OTOF: variants seen among roughly 807,000 people sequenced by gnomAD.
The protein encoded by OTOF is fer-1-like family member 2.
A neutral mutation model predicts 236.8 loss-of-function variants in OTOF; 218 were observed. That is an observed-to-expected ratio of 0.92 (90% CI 0.82 to 1.03). OTOF has a LOEUF of 1.03. OTOF is among the 50% of genes least tolerant of loss of function. The probability of loss-of-function intolerance (pLI) is 0.00; values close to 1 mark genes in which losing one functional copy is unlikely to be tolerated. For synonymous variants in OTOF, 1,041 were observed against 1,072.5 expected, an observed-to-expected ratio of 0.97 and a Z score of 0.57; for missense variants, 2,590 against 2,694.4, an observed-to-expected ratio of 0.96 and a Z score of 0.86.
intron 1 of OTOF, among the ~76,000 whole-genome samples, chr2:26,550,897 C>T (rs1667444545): frequency 6.6e-6 from 1 of 152,176 alleles, no homozygotes; most frequent in South Asian, 2.1e-4. Flanking sequence ...CGTGCCCTGC[C>T]TTCCGGTCTC....
rs372484533 is a variant in OTOF, at chr2:26,472,663, T to C, written c.3734-14A>G. On this transcript the variant is annotated splice_polypyrimidine_tract_variant and intron_variant, in intron 29 of 46. Coordinates refer to ENST00000272371, the MANE Select transcript of OTOF (RefSeq NM_194248.3). ...GGAGAAGCCTGACTGGACAGATGGA[T>C]AGATGGACAGACAGGCAGAGGAAGG... 1 of 1,612,210 alleles carries C rather than the reference T, an allele frequency of 6.2e-7. No individual in the cohort carries two copies. Among genetic ancestry groups the C allele is most frequent in the Non-Finnish European group, 8.5e-7 (1 of 1,179,608 alleles).
In OTOF at chr2:26,460,606, A is replaced by G; in HGVS notation, c.5813+41T>C. The G allele has an allele frequency of 6.0e-6, 9 of 1,506,932 alleles. No individual in the cohort carries two copies. Among genetic ancestry groups the G allele is most frequent in the Non-Finnish European group, 7.4e-6 (8 of 1,083,672 alleles). 93.3% of individuals were successfully genotyped at this position (1,506,932 alleles called of 1,614,324 possible). A position where few individuals can be genotyped will look rare whatever the true frequency, so the allele number is the denominator to read the frequency against. On this transcript the variant is annotated intron_variant, in intron 45 of 46. Coordinates refer to ENST00000272371, the MANE Select transcript of OTOF (RefSeq NM_194248.3). This position sits in a 1 kb window ranked among gnomAD's most constrained non-coding sequence, Gnocchi z 5.3. ...TCTCCTTCCTGTTCCAGCGCCTCCA[A>G]GAGCCAGAGTGGGGAGGGGCTGGGC...
At chr2:26,517,732 C>CTTCA (rs1216098644) in intron 4 of OTOF, among the ~76,000 whole-genome samples, 12 of 152,192 alleles carry the variant, frequency 7.9e-5, no homozygotes, top group African/African-American at 2.9e-4. Context: ...CCATCCAGGA[C>CTTCA]TTCATTGTTC....
At chr2:26,519,260 G>A in intron 3 of OTOF, 151 bp from the exon 4 acceptor site, 1 of 655,814 alleles carries the variant, frequency 1.5e-6, no homozygotes, top group Non-Finnish European at 2.8e-6. Flanking sequence ...CCAGGAGCCA[G>A]GACTGGTTGC....
intron 2 of OTOF, 75 bp from the exon 3 acceptor site, chr2:26,527,995 T>C: frequency 1.9e-6 from 2 of 1,027,260 alleles, no homozygotes; most frequent in South Asian, 2.6e-5. Context: ...GGGGAATCTC[T>C]TGTGGGGATC....
At chr2:26,520,911 C>T (rs536823752) in intron 3 of OTOF, among the ~76,000 whole-genome samples, 7 of 152,338 alleles carry the variant, frequency 4.6e-5, no homozygotes, top group Admixed American at 2.0e-4. Flanking sequence ...AAAACATGCA[C>T]GGCTGGGATA....
rs1331855505 is a variant in OTOF, at chr2:26,482,423, G to T, written c.1562C>A (p.Ser521Tyr). The T allele has an allele frequency of 1.2e-6, 2 of 1,613,176 alleles. No homozygotes were observed. Reference protein sequence around the residue: ...GTHFIDLRKISNDGDKGFLPT... With the variant: ...GTHFIDLRKIYNDGDKGFLPT... ...CTGCTGACCTTTGTCTCCGTCATTA[G>T]AAATCTTGCGCAGGTCAATGAAGTG... The change falls in exon 14 of 47, where the codon TCT becomes TAT. Residue 521 changes from serine to tyrosine, a missense_variant. Physicochemically the swap from Ser to Tyr is moderately radical, Grantham distance 144 (BLOSUM62 -2). Coordinates refer to ENST00000272371, the MANE Select transcript of OTOF (RefSeq NM_194248.3).
chr2:26,536,154 G>A lies in OTOF; in HGVS notation c.138+1562C>T, dbSNP rs1407121536. Among the ~76,000 whole-genome samples, 3 of 152,206 alleles carry A rather than the reference G, an allele frequency of 2.0e-5. No homozygotes were observed. The East Asian group carries it at 5.8e-4, about 29-fold the overall frequency. ...ATGGGGAGGGGAGGGAGCAGGCCGG[G>A]TGTGTAATGGGGCAAGCCTGAAGCA... On this transcript the variant is annotated intron_variant, in intron 2 of 46. Transcript: ENST00000272371.
intron 13 of OTOF, among the ~76,000 whole-genome samples, 179 bp from the exon 14 acceptor site, chr2:26,482,771 G>A (rs1403165817): frequency 6.6e-6 from 1 of 151,472 alleles, no homozygotes; most frequent in Non-Finnish European, 1.5e-5. Context: ...ATGTGTGAGT[G>A]GGTGCGCGTG....
chr2:26,465,609 T>G (rs1664686506), intron 38 of OTOF, 63 bp downstream of exon 38: 15 of 1,542,980 alleles, frequency 9.7e-6, no homozygotes, highest in Non-Finnish European at 1.3e-5. Flanking sequence ...GATCTGAATC[T>G]CATTTTAGAG....
Position 26,470,452 on chromosome 2 carries a change from T to A in OTOF, c.4023+141A>T. On this transcript the variant is annotated intron_variant, in intron 32 of 46. Coordinates refer to ENST00000272371, the MANE Select transcript of OTOF (RefSeq NM_194248.3). This position sits in a 1 kb window ranked among gnomAD's most constrained non-coding sequence, Gnocchi z 4.3. ...TGGAAGGTGAGTTCTGAGCTAGGAT[T>A]TCAAGGATGTGAGACAAAACCATCC... 1 of 836,680 alleles carries A rather than the reference T, an allele frequency of 1.2e-6. No homozygotes were observed. Among genetic ancestry groups the A allele is most frequent in the Non-Finnish European group, 2.0e-6 (1 of 495,562 alleles). 51.8% of individuals were successfully genotyped at this position (836,680 alleles called of 1,614,324 possible).
intron 9 of OTOF, among the ~76,000 whole-genome samples, chr2:26,492,997 G>A (rs1204760926): frequency 6.6e-6 from 1 of 152,278 alleles, no homozygotes; most frequent in East Asian, 1.9e-4. Flanking sequence ...AGCAGAAGTG[G>A]CTTCACTGCT....
rs377596061 is a variant in OTOF, at chr2:26,495,026, C to T, written c.813G>A (p.Met271Ile). 6.2e-7 allele frequency: 1 copy of T among 1,614,158 alleles called. No homozygotes were observed. Among genetic ancestry groups the T allele is most frequent in the Non-Finnish European group, 8.5e-7 (1 of 1,179,996 alleles). ...IEARQLVGLN[M>I]DPVVCVEVGD... ...CCACCTCCACGCACACCACAGGGTC[C>T]ATGTTCAAGCCCACCAGCTGCCGGG... The change falls in exon 9 of 47, where the codon ATG becomes ATA. Residue 271 changes from methionine to isoleucine, a missense_variant. By Grantham distance (10) the Met-to-Ile change is conservative (BLOSUM62 1). Transcript: ENST00000272371.
chr2:26,529,792 T>G, intron 2 of OTOF, among the ~76,000 whole-genome samples: 2 of 128,786 alleles, frequency 1.6e-5, no homozygotes, highest in African/African-American at 5.2e-5. Context: ...GGGAGAGGGG[T>G]CTGCGGGGTG....
rs764474318 is a variant in OTOF, at chr2:26,527,837, G to C, written c.222C>G (p.Ser74Arg). 1.1e-5 allele frequency: 17 copies of C among 1,611,416 alleles called. No homozygotes were observed. In the Admixed American group the frequency reaches 2.8e-4, roughly 27 times the overall value. ...IQVFNYSKVFSNKLIGTFRMV... is the reference protein window; with the variant it reads ...IQVFNYSKVFRNKLIGTFRMV... Reference sequence around the variant, plus strand: ...CTGCCCCATCCCACACTTACTTGTTGCTGAAGACTTTGCTGTAGTTGAAAA... The same window carrying C: ...CTGCCCCATCCCACACTTACTTGTTCCTGAAGACTTTGCTGTAGTTGAAAA... Residue 74 changes from serine to arginine, a missense_variant, in exon 3 of 47, where the codon AGC becomes AGG. By Grantham distance (110) the Ser-to-Arg change is moderately radical. Around this residue, in one of 2 missense-constraint regions of OTOF, gnomAD observed 1,379 missense variants for 1,341.6 expected, o/e 1.03. Coordinates refer to ENST00000272371, the MANE Select transcript of OTOF (RefSeq NM_194248.3).
intron 1 of OTOF, among the ~76,000 whole-genome samples, chr2:26,542,201 A>G (rs1407131923): frequency 1.3e-5 from 2 of 152,204 alleles, no homozygotes; most frequent in African/African-American, 4.8e-5. Context: ...TCTTCCAGAC[A>G]GCTTACCCTG....
intron 16 of OTOF, 43 bp from the exon 17 acceptor site, chr2:26,479,696 C>T (rs371836431): frequency 6.3e-7 from 1 of 1,586,682 alleles, no homozygotes; most frequent in African/African-American, 1.3e-5. Context: ...GCATTCCCCA[C>T]CAGGCCCCTC....
At chr2:26,474,710 T>C in intron 25 of OTOF, 36 bp from the exon 26 acceptor site, 1 of 1,612,052 alleles carries the variant, frequency 6.2e-7, no homozygotes, top group Non-Finnish European at 8.5e-7. Context: ...CTCTTGGTGC[T>C]TGCTGTCCAC....
chr2:26,459,044 T>A (rs2148014501), intron 46 of OTOF, among the ~76,000 whole-genome samples: 2 of 152,344 alleles, frequency 1.3e-5, no homozygotes. Flanking sequence ...AGCCAGTGCC[T>A]GGGGAGCTCT....
Sources: allele counts gnomAD v4.1 joint callset (sites outside exome capture counted in the v4.1 genomes callset), GRCh38; gene constraint gnomAD v4.1.1; regional missense constraint gnomAD v4.1.1; non-coding constraint Gnocchi (gnomAD v3.1); transcripts MANE v1.5; gene names NCBI Gene and HGNC (gene_info 2026-07-23, HGNC 2026-07-21).